The following TMEM132C variants were observed in gnomAD, a reference collection of about 807,000 sequenced individuals.
TMEM132C encodes transmembrane protein 132C, also known as protein phosphatase 1, regulatory subunit 152.
A neutral mutation model predicts 61.4 loss-of-function variants in TMEM132C; 29 were observed. The ratio of observed to expected loss-of-function variants is 0.47; its 90% confidence interval spans 0.35 to 0.64. The LOEUF is 0.64. TMEM132C is among the 30% of genes least tolerant of loss of function. TMEM132C has a pLI of 0.00. For missense variants in TMEM132C, 1,408 were observed against 1,476.9 expected (o/e 0.95, Z 0.76); for synonymous variants, 656 against 633.1 (o/e 1.04, Z -0.54).
intron 2 of TMEM132C, among the ~76,000 whole-genome samples, chr12:128,532,527 T>C (rs11059737): frequency 0.16 from 23,818 of 149,602 alleles, 2,935 homozygotes; most frequent in African/African-American, 0.33. Flanking sequence ...TAATCCCAGC[T>C]ACTTGGGAGG....
At chr12:128,344,075 C>T (rs1003173526) in intron 1 of TMEM132C, among the ~76,000 whole-genome samples, 2 of 152,124 alleles carry the variant, frequency 1.3e-5, no homozygotes, top group African/African-American at 2.4e-5. Flanking sequence ...TTGTTTCCAC[C>T]TTTTGGCTAT....
intron 2 of TMEM132C, among the ~76,000 whole-genome samples, chr12:128,477,582 G>A (rs1312009579): frequency 1.3e-5 from 2 of 151,854 alleles, no homozygotes; most frequent in African/African-American, 4.9e-5. Flanking sequence ...TTGTTTTGTT[G>A]TTGTTGTTGT....
At chr12:128,280,619 G>A (rs189461015) in intron 1 of TMEM132C, among the ~76,000 whole-genome samples, 3 of 152,262 alleles carry the variant, frequency 2.0e-5, no homozygotes, top group African/African-American at 7.2e-5. Context: ...ATTATAATGA[G>A]GCATCAGATG....
intron 1 of TMEM132C, among the ~76,000 whole-genome samples, chr12:128,348,876 G>A (rs1334978179): frequency 1.3e-5 from 2 of 152,252 alleles, no homozygotes; most frequent in Non-Finnish European, 2.9e-5. Context: ...GATCTGAAGA[G>A]GATGTGTCAC....
intron 1 of TMEM132C, among the ~76,000 whole-genome samples, chr12:128,368,038 A>C (rs1406113938): frequency 6.6e-6 from 1 of 152,202 alleles, no homozygotes; most frequent in Non-Finnish European, 1.5e-5. Flanking sequence ...GGCTTTATAC[A>C]TGGCAACTTT....
intron 3 of TMEM132C, among the ~76,000 whole-genome samples, chr12:128,601,684 T>C (rs12321675): frequency 0.025 from 3,703 of 149,024 alleles, 331 homozygotes; most frequent in East Asian, 0.21. Context: ...GGAGTCGTCC[T>C]AAGGTGGAAG....
chr12:128,303,211 A>T (rs576318581), intron 1 of TMEM132C, among the ~76,000 whole-genome samples: 1 of 152,344 alleles, frequency 6.6e-6, no homozygotes, highest in African/African-American at 2.4e-5. Context: ...AGCAAATGGA[A>T]ATTTATTATT....
chr12:128,558,620 A>T (rs1401437858), intron 3 of TMEM132C, among the ~76,000 whole-genome samples: 1 of 152,256 alleles, frequency 6.6e-6, no homozygotes, highest in East Asian at 1.9e-4. Context: ...ACAGTGGCAC[A>T]TGCCAACCAC....
intron 3 of TMEM132C, among the ~76,000 whole-genome samples, chr12:128,562,374 C>T (rs1006028770): frequency 2.0e-5 from 3 of 152,182 alleles, no homozygotes; most frequent in South Asian, 2.1e-4. Context: ...CAGGTTGTTC[C>T]GTAAGGCTGT....
intron 2 of TMEM132C, among the ~76,000 whole-genome samples, chr12:128,427,226 A>G (rs989861741): frequency 2.0e-5 from 3 of 152,172 alleles, no homozygotes; most frequent in Admixed American, 6.5e-5. Flanking sequence ...GAAAGGAAAA[A>G]AACAGGCATC....
At chr12:128,423,561 T>A (rs1017736664) in intron 2 of TMEM132C, among the ~76,000 whole-genome samples, 1 of 152,224 alleles carries the variant, frequency 6.6e-6, no homozygotes, top group Admixed American at 6.5e-5. Flanking sequence ...TTCTAGAATC[T>A]CACTGTATGT....
At chr12:128,279,440 C>T (rs1437124332) in intron 1 of TMEM132C, among the ~76,000 whole-genome samples, 6 of 152,180 alleles carry the variant, frequency 3.9e-5, no homozygotes, top group African/African-American at 1.4e-4. Context: ...ATGTCCTCTG[C>T]CCCAAATTCT....
At chr12:128,569,369 G>A (rs1874799783) in intron 3 of TMEM132C, among the ~76,000 whole-genome samples, 2 of 152,156 alleles carry the variant, frequency 1.3e-5, no homozygotes, top group Non-Finnish European at 2.9e-5. Context: ...CCTTCCTGCA[G>A]CAAAAATCAG....
At chr12:128,346,590 G>T (rs536365400) in intron 1 of TMEM132C, among the ~76,000 whole-genome samples, 1 of 152,068 alleles carries the variant, frequency 6.6e-6, no homozygotes, top group Non-Finnish European at 1.5e-5. Flanking sequence ...GGACTGTTTT[G>T]TAGTTCTTCT....
chr12:128,495,379 C>T (rs1253904149), intron 2 of TMEM132C, among the ~76,000 whole-genome samples: 9 of 152,030 alleles, frequency 5.9e-5, no homozygotes. Context: ...GAGTTCAATT[C>T]CTGGATATCC....
intron 1 of TMEM132C, among the ~76,000 whole-genome samples, chr12:128,373,105 C>T (rs531600930): frequency 4.6e-5 from 7 of 152,286 alleles, no homozygotes; most frequent in South Asian, 2.1e-4. Context: ...CACAAGCTAT[C>T]GGAGGAGGAA....
At chr12:128,689,385 C>T (rs1156607762) in intron 5 of TMEM132C, among the ~76,000 whole-genome samples, 1 of 152,016 alleles carries the variant, frequency 6.6e-6, no homozygotes, top group Non-Finnish European at 1.5e-5. Context: ...AACACTTGAG[C>T]TCAAAGAAAA....
intron 2 of TMEM132C, among the ~76,000 whole-genome samples, chr12:128,519,120 C>G (rs1872815898): frequency 6.6e-6 from 1 of 152,176 alleles, no homozygotes; most frequent in Admixed American, 6.5e-5. Context: ...CAGTATTTCA[C>G]ATCACTTTGC....
intron 5 of TMEM132C, among the ~76,000 whole-genome samples, chr12:128,678,375 C>T (rs977807531): frequency 6.6e-6 from 1 of 152,224 alleles, no homozygotes; most frequent in African/African-American, 2.4e-5. Flanking sequence ...ACGCTCATTC[C>T]TTGAGGGGCT....
Sources: gnomAD v4.1 joint callset for allele counts (sites outside exome capture counted in the v4.1 genomes callset) on GRCh38, gnomAD v4.1.1 for gene constraint, MANE v1.5 for transcripts, NCBI Gene and HGNC (gene_info 2026-07-23, HGNC 2026-07-21) for gene names.